DDAH1: variants seen among roughly 807,000 people sequenced by gnomAD.
DDAH1 encodes dimethylarginine dimethylaminohydrolase 1.
DDAH1 carries 19 observed loss-of-function variants against 28.8 expected under a neutral mutation model. The observed-to-expected ratio is 0.66, with a 90% confidence interval of 0.46 to 0.97. The LOEUF (loss-of-function observed/expected upper bound fraction) is 0.97. Ranked by LOEUF, DDAH1 falls within the 50% of genes least tolerant of loss-of-function variation. The probability of loss-of-function intolerance (pLI) is 0.00; values close to 1 mark genes in which losing one functional copy is unlikely to be tolerated. For synonymous variants in DDAH1, 153 were observed against 154.4 expected, an observed-to-expected ratio of 0.99 and a Z score of 0.07; for missense variants, 326 against 375.9, an observed-to-expected ratio of 0.87 and a Z score of 1.10.
At chr1:85,470,887 T>C (rs536509) in intron 2 of DDAH1, among the ~76,000 whole-genome samples, 3 of 152,196 alleles carry the variant, frequency 2.0e-5, no homozygotes, top group South Asian at 4.1e-4. Flanking sequence ...GGTAGAGGAA[T>C]ACATAAAAGC....
chr1:85,436,651 T>C (rs1653957799), intron 1 of DDAH1, among the ~76,000 whole-genome samples: 1 of 152,170 alleles, frequency 6.6e-6, no homozygotes, highest in South Asian at 2.1e-4. Context: ...TGGGCTTCAG[T>C]ATCCTGGGCT....
chr1:85,322,202 GGCATAA>G (rs1661377183), intron 5 of DDAH1, among the ~76,000 whole-genome samples: 1 of 152,122 alleles, frequency 6.6e-6, no homozygotes, highest in East Asian at 1.9e-4. Context: ...GTATTAAACA[GGCATAA>G]GCCACCACAC....
intron 4 of DDAH1, among the ~76,000 whole-genome samples, chr1:85,344,870 A>G (rs910848791): frequency 6.6e-6 from 1 of 152,200 alleles, no homozygotes; most frequent in African/African-American, 2.4e-5. Flanking sequence ...TTAATTAAAA[A>G]AATTAAAAAC....
chr1:85,543,369 G>A (rs1400211897), intron 1 of DDAH1, among the ~76,000 whole-genome samples: 1 of 152,170 alleles, frequency 6.6e-6, no homozygotes, highest in African/African-American at 2.4e-5. Context: ...CCGGGTGGTA[G>A]GCTTCACCTA....
chr1:85,361,063 G>C (rs1649771022), intron 1 of DDAH1, among the ~76,000 whole-genome samples: 1 of 152,164 alleles, frequency 6.6e-6, no homozygotes, highest in Non-Finnish European at 1.5e-5. Context: ...GAGAACTGCA[G>C]GGCCATATGG....
chr1:85,529,105 G>T (rs1267223301), intron 1 of DDAH1, among the ~76,000 whole-genome samples: 1 of 150,556 alleles, frequency 6.6e-6, no homozygotes, highest in African/African-American at 2.5e-5. Context: ...ATTTAAGATA[G>T]GGTCGGATAT....
At chr1:85,560,679 A>G (rs1176229636) in intron 1 of DDAH1, among the ~76,000 whole-genome samples, 1 of 152,100 alleles carries the variant, frequency 6.6e-6, no homozygotes, top group Non-Finnish European at 1.5e-5. Flanking sequence ...GAATGATTTT[A>G]ACATTGGAAG....
At chr1:85,376,251 C>G (rs1246791560) in intron 1 of DDAH1, among the ~76,000 whole-genome samples, 1 of 152,108 alleles carries the variant, frequency 6.6e-6, no homozygotes, top group Non-Finnish European at 1.5e-5. Flanking sequence ...GTGTTAACTA[C>G]TGAAAATATG....
intron 1 of DDAH1, among the ~76,000 whole-genome samples, chr1:85,362,752 G>C (rs1477308521): frequency 6.6e-6 from 1 of 152,050 alleles, no homozygotes; most frequent in Non-Finnish European, 1.5e-5. Flanking sequence ...CTCAGTGCCT[G>C]GCATATTGTG....
At chr1:85,400,605 T>C (rs1272838629) in intron 1 of DDAH1, among the ~76,000 whole-genome samples, 1 of 152,180 alleles carries the variant, frequency 6.6e-6, no homozygotes, top group Non-Finnish European at 1.5e-5. Flanking sequence ...TGGTAGATGA[T>C]GCTATTTATA....
intron 1 of DDAH1, among the ~76,000 whole-genome samples, chr1:85,570,733 G>C (rs1052199123): frequency 6.6e-6 from 1 of 152,196 alleles, no homozygotes; most frequent in South Asian, 2.1e-4. Context: ...ATGTTCACGT[G>C]ATGGCAATGA....
At chr1:85,518,706 A>G (rs1657559396) in intron 1 of DDAH1, among the ~76,000 whole-genome samples, 1 of 152,188 alleles carries the variant, frequency 6.6e-6, no homozygotes, top group Non-Finnish European at 1.5e-5. Flanking sequence ...GGTTCTTACT[A>G]TTAATCACAT....
At chr1:85,539,988 G>A (rs964947880) in intron 1 of DDAH1, among the ~76,000 whole-genome samples, 1 of 151,732 alleles carries the variant, frequency 6.6e-6, no homozygotes, top group African/African-American at 2.4e-5. Context: ...CCTTGAAAAT[G>A]AAATCAATTT....
intron 1 of DDAH1, among the ~76,000 whole-genome samples, chr1:85,558,676 G>A (rs1394023409): frequency 6.6e-6 from 1 of 151,988 alleles, no homozygotes; most frequent in Non-Finnish European, 1.5e-5. Context: ...TAAAATAAAA[G>A]TTTTAAAAGT....
intron 2 of DDAH1, chr1:85,495,649 T>A (rs1656560264): frequency 6.6e-6 from 1 of 152,232 alleles, no homozygotes; most frequent in Non-Finnish European, 1.5e-5. Flanking sequence ...ATATTCAGTA[T>A]CTTTCCATAT....
chr1:85,358,674 A>T, intron 2 of DDAH1, 74 bp downstream of exon 2: 1 of 1,172,670 alleles, frequency 8.5e-7, no homozygotes, highest in Non-Finnish European at 1.2e-6. Context: ...AACACAAAAA[A>T]CTATAATAAA....
At chr1:85,524,031 G>A (rs1410298921) in intron 1 of DDAH1, among the ~76,000 whole-genome samples, 2 of 151,532 alleles carry the variant, frequency 1.3e-5, no homozygotes, top group African/African-American at 4.8e-5. Context: ...TACCTGAGAA[G>A]GCCAACCATC....
intron 2 of DDAH1, among the ~76,000 whole-genome samples, chr1:85,354,642 G>A (rs556521207): frequency 6.6e-6 from 1 of 151,964 alleles, no homozygotes; most frequent in Non-Finnish European, 1.5e-5. Context: ...CCACCAACTT[G>A]CAATAATAAC....
At chr1:85,553,973 C>T (rs1008595914) in intron 1 of DDAH1, among the ~76,000 whole-genome samples, 6 of 152,178 alleles carry the variant, frequency 3.9e-5, no homozygotes, top group African/African-American at 1.2e-4. Flanking sequence ...TCTGTGCCTG[C>T]CCTGGACATC....
Sources: gnomAD v4.1 joint callset for allele counts (sites outside exome capture counted in the v4.1 genomes callset) on GRCh38, gnomAD v4.1.1 for gene constraint, MANE v1.5 for transcripts, NCBI Gene and HGNC (gene_info 2026-07-23, HGNC 2026-07-21) for gene names.